ASTN2: variants seen among roughly 807,000 people sequenced by gnomAD.
ASTN2 encodes the protein astrotactin 2.
Under a neutral mutation model 139.8 loss-of-function variants are expected in ASTN2, and 54 were observed. The ratio of observed to expected loss-of-function variants is 0.39; its 90% confidence interval spans 0.31 to 0.48. The LOEUF is 0.48. Among genes scored for constraint, ASTN2 ranks in the 20% least tolerant of loss-of-function variants. ASTN2 has a pLI of 0.95. For synonymous variants in ASTN2, 756 were observed against 719.5 expected (o/e 1.05, Z -0.81); for missense variants, 1,565 against 1,725.1 (o/e 0.91, Z 1.64).
chr9:116,926,124 A>C (rs1246452832), intron 10 of ASTN2, among the ~76,000 whole-genome samples: 2 of 152,112 alleles, frequency 1.3e-5, no homozygotes, highest in African/African-American at 4.8e-5. Context: ...GCTCTTTCTC[A>C]GGTGGTGCCC....
At chr9:116,607,536 T>C (rs150746127) in intron 19 of ASTN2, among the ~76,000 whole-genome samples, 9 of 152,216 alleles carry the variant, frequency 5.9e-5, no homozygotes, top group African/African-American at 1.9e-4. Context: ...TTTACCTCAA[T>C]TTTAAAAAGT....
chr9:116,839,072 G>A (rs1832108013), intron 11 of ASTN2, among the ~76,000 whole-genome samples: 1 of 152,136 alleles, frequency 6.6e-6, no homozygotes, highest in Non-Finnish European at 1.5e-5. Context: ...CATAATAACA[G>A]TATCACCTCC....
chr9:116,634,004 T>C (rs1487276774), intron 17 of ASTN2, among the ~76,000 whole-genome samples: 1 of 152,116 alleles, frequency 6.6e-6, no homozygotes, highest in Non-Finnish European at 1.5e-5. Flanking sequence ...GGAGGGATGG[T>C]AGAACATTGA....
intron 6 of ASTN2, among the ~76,000 whole-genome samples, chr9:117,022,589 T>C (rs1293002939): frequency 6.6e-6 from 1 of 152,150 alleles, no homozygotes; most frequent in African/African-American, 2.4e-5. Flanking sequence ...TTTTGAAAAC[T>C]AGACTTAACA....
In ASTN2 at chr9:116,649,216, T is replaced by C. The variant is rs1208601458; in HGVS notation, c.3072+2312A>G. On this transcript the variant is annotated intron_variant, in intron 17 of 22. Transcript: ENST00000313400. ...TGCATCTGTATTTATTCCTAAAAGA[T>C]AGTATATTTGAGGTGTAGGTATGCT... Among the ~76,000 whole-genome samples the C allele has an allele frequency of 2.0e-5, 3 of 152,100 alleles. No homozygotes were observed. In the East Asian group the frequency reaches 5.8e-4, roughly 29 times the overall value.
intron 15 of ASTN2, among the ~76,000 whole-genome samples, chr9:116,727,164 A>G (rs1027727871): frequency 1.3e-5 from 2 of 152,042 alleles, no homozygotes; most frequent in African/African-American, 2.4e-5. Context: ...AGGAGTGCCT[A>G]CTGTCTGCAC....
At chr9:116,672,905 A>C (rs1203931475) in intron 16 of ASTN2, among the ~76,000 whole-genome samples, 1 of 152,238 alleles carries the variant, frequency 6.6e-6, no homozygotes, top group Non-Finnish European at 1.5e-5. Flanking sequence ...TAATAATAAC[A>C]AATGCAATAT....
intron 1 of ASTN2, among the ~76,000 whole-genome samples, chr9:117,396,941 CTT>C (rs58488186): frequency 4.4e-3 from 490 of 111,082 alleles, no homozygotes; most frequent in African/African-American, 6.2e-3. Flanking sequence ...TCCACTCAAG[CTT>C]TTTTTTTTTT....
intron 13 of ASTN2, among the ~76,000 whole-genome samples, chr9:116,753,283 A>G (rs147736436): frequency 5.9e-5 from 9 of 152,356 alleles, no homozygotes; most frequent in Non-Finnish European, 8.8e-5. Flanking sequence ...TTCCAACTAC[A>G]TAACACTGTG....
At chr9:116,919,772 C>G (rs547424195) in intron 10 of ASTN2, among the ~76,000 whole-genome samples, 284 of 150,932 alleles carry the variant, frequency 1.9e-3, no homozygotes, top group African/African-American at 6.4e-3. Flanking sequence ...GGCAAAACCC[C>G]ATCTCCACTA....
intron 2 of ASTN2, among the ~76,000 whole-genome samples, chr9:117,247,049 C>T (rs905457672): frequency 2.6e-5 from 4 of 152,134 alleles, no homozygotes; most frequent in African/African-American, 9.7e-5. Flanking sequence ...ATTCTGGAGG[C>T]AGGCAAGGAG....
At chr9:116,522,673 TA>T (rs1266402356) in intron 19 of ASTN2, among the ~76,000 whole-genome samples, 2 of 151,998 alleles carry the variant, frequency 1.3e-5, no homozygotes, top group Admixed American at 6.6e-5. Flanking sequence ...AGTAAAAACA[TA>T]AACAATTTTT....
chr9:117,406,205 A>G (rs1318095903), intron 1 of ASTN2, among the ~76,000 whole-genome samples: 1 of 152,242 alleles, frequency 6.6e-6, no homozygotes, highest in Non-Finnish European at 1.5e-5. Context: ...CGTGAGACAC[A>G]TGAGGAAACA....
In ASTN2 at chr9:117,286,857, C is replaced by T. The variant is rs373624110; in HGVS notation, c.630+4469G>A. On this transcript the variant is annotated intron_variant, in intron 2 of 22. Transcript: ENST00000313400. Reference sequence around the variant, plus strand: ...CTCACTATAGCTAACATTTTAATAACGGCTACTGCTTTTTGAGCACTTACA... The same window carrying T: ...CTCACTATAGCTAACATTTTAATAATGGCTACTGCTTTTTGAGCACTTACA... 1.7e-4 allele frequency among the ~76,000 whole-genome samples: 26 copies of T among 152,160 alleles called. 1 individual carries two copies. Among genetic ancestry groups the T allele is most frequent in the Admixed American group, 6.5e-4 (10 of 15,282 alleles).
At chr9:117,102,948 A>G (rs921178686) in intron 4 of ASTN2, among the ~76,000 whole-genome samples, 2 of 152,068 alleles carry the variant, frequency 1.3e-5, no homozygotes, top group African/African-American at 4.8e-5. Flanking sequence ...GAGAGCTGTG[A>G]GAGAGACAGG....
At chr9:117,091,969 G>T (rs1564421948) in intron 5 of ASTN2, among the ~76,000 whole-genome samples, 1 of 152,192 alleles carries the variant, frequency 6.6e-6, no homozygotes, top group Non-Finnish European at 1.5e-5. Flanking sequence ...GGACTAGGAT[G>T]GCAGCAGTAG....
chr9:116,511,637 C>T (rs1020022405), intron 19 of ASTN2, among the ~76,000 whole-genome samples: 2 of 152,060 alleles, frequency 1.3e-5, no homozygotes, highest in African/African-American at 4.8e-5. Flanking sequence ...AGGTACTGGA[C>T]TTTTTTTGGT....
intron 1 of ASTN2, among the ~76,000 whole-genome samples, chr9:117,363,954 GT>G (rs1481870807): frequency 6.6e-6 from 1 of 152,134 alleles, no homozygotes; most frequent in African/African-American, 2.4e-5. Flanking sequence ...GGGCTGTTTT[GT>G]TTTGTATCCA....
chr9:116,488,414 T>G (rs1849408013), intron 19 of ASTN2, among the ~76,000 whole-genome samples: 1 of 152,162 alleles, frequency 6.6e-6, no homozygotes, highest in African/African-American at 2.4e-5. Flanking sequence ...GGTGCCAGAA[T>G]CATTGTTAGG....
Sources: allele counts gnomAD v4.1 joint callset (sites outside exome capture counted in the v4.1 genomes callset), GRCh38; gene constraint gnomAD v4.1.1; transcripts MANE v1.5; gene names NCBI Gene and HGNC (gene_info 2026-07-23, HGNC 2026-07-21).